Variants in LSAMP observed in about 807,000 individuals in gnomAD.
LSAMP encodes the protein limbic system associated membrane protein, also known as limbic system-associated membrane protein.
Under a neutral mutation model 38.6 loss-of-function variants are expected in LSAMP, and 7 were observed. The observed-to-expected ratio is 0.18, with a 90% CI of 0.10 to 0.34. The LOEUF is 0.34. Among genes scored for constraint, LSAMP ranks in the 10% least tolerant of loss-of-function variants. The pLI is 1.00. For synonymous variants in LSAMP, 154 were observed against 166.8 expected, an observed-to-expected ratio of 0.92 and a Z score of 0.59; for missense variants, 313 against 420.0, an observed-to-expected ratio of 0.75 and a Z score of 2.23.
intron 1 of LSAMP, among the ~76,000 whole-genome samples, chr3:116,370,461 G>C (rs749112402): frequency 6.6e-6 from 1 of 152,108 alleles, no homozygotes; most frequent in African/African-American, 2.4e-5. Flanking sequence ...TTCCGGGAAA[G>C]GCTTGAAGAG....
intron 3 of LSAMP, among the ~76,000 whole-genome samples, chr3:115,910,861 A>G (rs1465420131): frequency 6.6e-6 from 1 of 152,224 alleles, no homozygotes; most frequent in Non-Finnish European, 1.5e-5. Context: ...AGGTTGCTGC[A>G]TCTGTCAGTA....
At chr3:116,377,569 G>T (rs372246727) in intron 1 of LSAMP, among the ~76,000 whole-genome samples, 1 of 152,024 alleles carries the variant, frequency 6.6e-6, no homozygotes, top group Admixed American at 6.6e-5. Context: ...GTAATAGAAC[G>T]ATTTATGTTC....
intron 2 of LSAMP, among the ~76,000 whole-genome samples, chr3:116,031,670 A>G (rs755232148): frequency 6.7e-6 from 1 of 149,430 alleles, no homozygotes; most frequent in Non-Finnish European, 1.5e-5. Context: ...GAACTAAAGC[A>G]TGCCTAGAAT....
chr3:116,120,185 A>T (rs971498954), intron 1 of LSAMP, among the ~76,000 whole-genome samples: 1 of 152,176 alleles, frequency 6.6e-6, no homozygotes, highest in Non-Finnish European at 1.5e-5. Context: ...TTCAAATAAG[A>T]TATATTATAA....
intron 6 of LSAMP, among the ~76,000 whole-genome samples, chr3:115,811,728 T>A (rs1933839084): frequency 6.6e-6 from 1 of 152,170 alleles, no homozygotes; most frequent in South Asian, 2.1e-4. Flanking sequence ...ATGCTTTATG[T>A]AAATAATAAA....
chr3:116,071,046 A>AAAT (rs79192618), intron 2 of LSAMP, among the ~76,000 whole-genome samples: 259 of 110,670 alleles, frequency 2.3e-3, no homozygotes, highest in East Asian at 4.7e-3. Flanking sequence ...ATCTCAAAAT[A>AAAT]AATAAATAAT....
Position 115,999,437 on chromosome 3 carries a change from C to T in LSAMP, c.514+20078G>A, listed in dbSNP as rs1444455907. Among the ~76,000 whole-genome samples, 2 of 152,176 alleles carry T rather than the reference C, an allele frequency of 1.3e-5. 1 individual carries two copies. The highest frequency in any genetic ancestry group is 1.3e-4 in the Admixed American group (2 of 15,262). On this transcript the variant is annotated intron_variant, in intron 3 of 6. Coordinates refer to ENST00000490035, the MANE Select transcript of LSAMP (RefSeq NM_002338.5). ...ACAAAATAGCTACTGTCCTTTCTGG[C>T]AGCTCCTGCAGAGCTAATATGTTGT...
At chr3:116,109,039 C>T (rs575517070) in intron 1 of LSAMP, among the ~76,000 whole-genome samples, 16 of 151,942 alleles carry the variant, frequency 1.1e-4, no homozygotes, top group Non-Finnish European at 1.8e-4. Flanking sequence ...GAGAATAAGA[C>T]GGCCTTTTGA....
At chr3:115,955,081 A>T (rs1230178823) in intron 3 of LSAMP, among the ~76,000 whole-genome samples, 1 of 151,680 alleles carries the variant, frequency 6.6e-6, no homozygotes, top group African/African-American at 2.4e-5. Flanking sequence ...CAGCCTCCCG[A>T]GTAGCACCAA....
chr3:116,003,060 A>G (rs1013200106), intron 3 of LSAMP, among the ~76,000 whole-genome samples: 1 of 152,164 alleles, frequency 6.6e-6, no homozygotes, highest in Non-Finnish European at 1.5e-5. Flanking sequence ...ACCTTTATCA[A>G]GAGCTTAGCA....
chr3:115,957,594 T>C (rs1938492789), intron 3 of LSAMP, among the ~76,000 whole-genome samples: 1 of 152,208 alleles, frequency 6.6e-6, no homozygotes, highest in Admixed American at 6.5e-5. Flanking sequence ...GTCACCATTG[T>C]ATGCTTTGAG....
At chr3:116,127,741 G>A (rs1246343541) in intron 1 of LSAMP, among the ~76,000 whole-genome samples, 2 of 134,204 alleles carry the variant, frequency 1.5e-5, no homozygotes, top group African/African-American at 5.6e-5. Flanking sequence ...GTTGGATCAC[G>A]AGGCAAATAG....
At chr3:116,215,876 C>A (rs1000642108) in intron 1 of LSAMP, among the ~76,000 whole-genome samples, 2 of 152,132 alleles carry the variant, frequency 1.3e-5, no homozygotes, top group African/African-American at 2.4e-5. Context: ...TGTAGAAGCA[C>A]AATTATTCAC....
chr3:116,411,398 T>C (rs1276483788), intron 1 of LSAMP, among the ~76,000 whole-genome samples: 2 of 151,736 alleles, frequency 1.3e-5, no homozygotes, highest in Non-Finnish European at 2.9e-5. Context: ...AATGATAGAC[T>C]GGATTAAGAA....
chr3:116,154,490 T>C (rs1239421134), intron 1 of LSAMP, among the ~76,000 whole-genome samples: 2 of 152,120 alleles, frequency 1.3e-5, no homozygotes, highest in African/African-American at 4.8e-5. Flanking sequence ...ACCCACTGAT[T>C]AAACATTTCA....
chr3:115,894,767 G>A (rs554043628), intron 3 of LSAMP, among the ~76,000 whole-genome samples: 1 of 152,132 alleles, frequency 6.6e-6, no homozygotes, highest in Admixed American at 6.6e-5. Context: ...CTTAAAAGCA[G>A]AACAACACTG....
intron 1 of LSAMP, among the ~76,000 whole-genome samples, chr3:116,156,161 G>C (rs903636754): frequency 2.6e-5 from 4 of 152,074 alleles, no homozygotes; most frequent in African/African-American, 9.7e-5. Context: ...CCAGGCAGGG[G>C]GTGGCAAATG....
At chr3:116,429,546 T>A (rs2049251402) in intron 1 of LSAMP, among the ~76,000 whole-genome samples, 1 of 152,168 alleles carries the variant, frequency 6.6e-6, no homozygotes, top group Admixed American at 6.5e-5. Context: ...AAACAAAGCA[T>A]TCCTCAATTT....
chr3:116,322,174 A>G (rs551189037), intron 1 of LSAMP, among the ~76,000 whole-genome samples: 1 of 152,302 alleles, frequency 6.6e-6, no homozygotes, highest in East Asian at 1.9e-4. Flanking sequence ...AGCTTGGGAT[A>G]CTTAGACACA....
Sources: gnomAD v4.1 joint callset for allele counts (sites outside exome capture counted in the v4.1 genomes callset) on GRCh38, gnomAD v4.1.1 for gene constraint, MANE v1.5 for transcripts, NCBI Gene and HGNC (gene_info 2026-07-23, HGNC 2026-07-21) for gene names.